Variants in COL14A1 observed in about 807,000 individuals in gnomAD.
The protein encoded by COL14A1 is collagen type XIV alpha 1 chain, also known as collagen alpha-1(XIV) chain.
A neutral mutation model predicts 230.3 loss-of-function variants in COL14A1; 136 were observed. The observed-to-expected ratio is 0.59, with a 90% CI of 0.51 to 0.68. The LOEUF (loss-of-function observed/expected upper bound fraction) is 0.68. COL14A1 is among the 30% of genes least tolerant of loss of function. The probability of loss-of-function intolerance (pLI) is 0.00; values close to 1 mark genes in which losing one functional copy is unlikely to be tolerated. For missense variants in COL14A1, 1,976 were observed against 2,215.8 expected (o/e 0.89, Z 2.17); for synonymous variants, 792 against 784.1 (o/e 1.01, Z -0.17).
intron 40 of COL14A1, among the ~76,000 whole-genome samples, chr8:120,326,021 A>C (rs1264906306): frequency 1.3e-5 from 2 of 152,202 alleles, no homozygotes; most frequent in African/African-American, 4.8e-5. Context: ...TTATTTTACA[A>C]AATTTTTCCT....
chr8:120,197,006 T>C (rs1261957249), intron 6 of COL14A1, 60 bp downstream of exon 6: 12 of 1,526,246 alleles, frequency 7.9e-6, no homozygotes, highest in Non-Finnish European at 1.1e-5. Context: ...CTGGGAAGTA[T>C]TTTAAGAAAT....
intron 34 of COL14A1, among the ~76,000 whole-genome samples, chr8:120,296,190 T>G (rs1337239451): frequency 6.6e-6 from 1 of 151,764 alleles, no homozygotes; most frequent in African/African-American, 2.4e-5. Context: ...AAAAAAGCAG[T>G]GAGCCATGCA....
intron 47 of COL14A1, chr8:120,370,830 C>T (rs1310192190): frequency 1.5e-6 from 2 of 1,353,296 alleles, no homozygotes; most frequent in Non-Finnish European, 1.9e-6. Flanking sequence ...GGACTTCTAA[C>T]ATGAGATTTT....
At chr8:120,303,884 T>A (rs138527965) in intron 36 of COL14A1, among the ~76,000 whole-genome samples, 162 of 152,268 alleles carry the variant, frequency 1.1e-3, no homozygotes, top group African/African-American at 3.7e-3. Flanking sequence ...TTTTTTTTGG[T>A]TGCTAGACTA....
intron 42 of COL14A1, among the ~76,000 whole-genome samples, chr8:120,334,186 A>G (rs535358974): frequency 2.3e-4 from 35 of 152,322 alleles, no homozygotes; most frequent in African/African-American, 8.4e-4. Context: ...TCATTTTAAT[A>G]AAATTATTTC....
At chr8:120,288,278 G>A (rs1480544428) in intron 33 of COL14A1, among the ~76,000 whole-genome samples, 1 of 152,116 alleles carries the variant, frequency 6.6e-6, no homozygotes, top group Non-Finnish European at 1.5e-5. Flanking sequence ...TTGGGCAATA[G>A]TTAATTCCTT....
Position 120,371,464 on chromosome 8 carries a change from A to G in COL14A1, c.*233A>G, listed in dbSNP as rs117125420. The G allele has an allele frequency of 1.5e-5, 6 of 395,384 alleles. No homozygotes were observed. Among genetic ancestry groups the G allele is most frequent in the Non-Finnish European group, 2.7e-5 (6 of 224,794 alleles). The allele number at this position is 395,384 out of a possible 1,614,324, so 24.5% of individuals were successfully genotyped here. A position where few individuals can be genotyped will look rare whatever the true frequency, so the allele number is the denominator to read the frequency against. On this transcript the variant is annotated 3_prime_UTR_variant, in exon 48 of 48. Coordinates refer to ENST00000297848, the MANE Select transcript of COL14A1 (RefSeq NM_021110.4). ...AGCAATGATTTCCCTTTGGTGTCTTAATGGCATGTCAGATAATTTGTTTTT... is the reference window on the plus strand; with the variant it reads ...AGCAATGATTTCCCTTTGGTGTCTTGATGGCATGTCAGATAATTTGTTTTT...
At chr8:120,346,034 T>C (rs1331476460) in intron 45 of COL14A1, among the ~76,000 whole-genome samples, 2 of 152,206 alleles carry the variant, frequency 1.3e-5, no homozygotes, top group Non-Finnish European at 2.9e-5. Flanking sequence ...CTGAGAAGAG[T>C]CATGAATTGT....
chr8:120,324,803 C>T (rs1327010597), intron 40 of COL14A1, among the ~76,000 whole-genome samples: 1 of 152,136 alleles, frequency 6.6e-6, no homozygotes, highest in Non-Finnish European at 1.5e-5. Flanking sequence ...GTCACTAGTT[C>T]TAAGCAGTAT....
chr8:120,201,326 T>C (rs1817240829), intron 8 of COL14A1, among the ~76,000 whole-genome samples: 1 of 152,150 alleles, frequency 6.6e-6, no homozygotes, highest in Non-Finnish European at 1.5e-5. Context: ...AGCTCAGTGT[T>C]GTGCAGGAGC....
At position 120,210,434 on chromosome 8, in the gene COL14A1, G is replaced by A. The variant is rs374616101; in HGVS notation, c.1467+533G>A. Among the ~76,000 whole-genome samples the A allele has an allele frequency of 9.9e-5, 15 of 152,272 alleles. No individual in the cohort carries two copies. The East Asian group carries it at 2.1e-3, about 22-fold the overall frequency. On this transcript the variant is annotated intron_variant, in intron 12 of 47. Transcript: ENST00000297848. Reference sequence around the variant, plus strand: ...TATTGCCAAATGGCTCTAGAGAAATGTTATATGTTTTGCTTTATGTGGTGC... The same window carrying A: ...TATTGCCAAATGGCTCTAGAGAAATATTATATGTTTTGCTTTATGTGGTGC...
intron 23 of COL14A1, among the ~76,000 whole-genome samples, chr8:120,257,958 T>C (rs1252196148): frequency 6.6e-6 from 1 of 152,202 alleles, no homozygotes; most frequent in African/African-American, 2.4e-5. Context: ...CTGGTCAACT[T>C]TCTTCTCTGG....
chr8:120,156,174 C>CT (rs67203803), intron 2 of COL14A1, among the ~76,000 whole-genome samples: 108,973 of 148,090 alleles, frequency 0.74, 40,158 homozygotes, highest in Admixed American at 0.76. Flanking sequence ...AGGGTGACTT[C>CT]TTTTTTTTTT....
chr8:120,290,570 A>C (rs1482770612), intron 34 of COL14A1, among the ~76,000 whole-genome samples: 1 of 152,242 alleles, frequency 6.6e-6, no homozygotes, highest in Non-Finnish European at 1.5e-5. Context: ...GATAATTATG[A>C]ATTACTATTG....
chr8:120,128,031 A>T (rs1194549237), intron 1 of COL14A1, among the ~76,000 whole-genome samples: 40 of 152,352 alleles, frequency 2.6e-4, no homozygotes, highest in Non-Finnish European at 1.9e-4. Flanking sequence ...AAGGAAAGTG[A>T]TAAAAATAAA....
chr8:120,167,858 T>C (rs368145432), intron 4 of COL14A1, among the ~76,000 whole-genome samples: 2 of 152,190 alleles, frequency 1.3e-5, no homozygotes. Context: ...CATTCCCTCA[T>C]GTATAAGCTA....
Position 120,212,505 on chromosome 8 carries a change from G to C in COL14A1, c.1525G>C (p.Glu509Gln). The change falls in exon 13 of 48, where the codon GAA becomes CAA. Residue 509 changes from glutamate (E) to glutamine (Q), a missense_variant. Physicochemically the swap from Glu to Gln is conservative, Grantham distance 29. Transcript: ENST00000297848. ...ATTGAGTGGGTTGTTGCCCAATACA[G>C]AATACACAGTCACAGTTTATGCCAT... is the stretch of plus-strand genomic sequence containing the variant. ...IELSGLLPNT[E>Q]YTVTVYAMFG... 6.2e-7 allele frequency: 1 copy of C among 1,613,644 alleles called. No individual in the cohort carries two copies. The highest frequency in any genetic ancestry group is 8.5e-7 in the Non-Finnish European group (1 of 1,179,694).
Position 120,219,251 on chromosome 8 carries a change from G to T in COL14A1, c.1737+2761G>T, listed in dbSNP as rs147555147. On this transcript the variant is annotated intron_variant, in intron 14 of 47. Coordinates refer to ENST00000297848, the MANE Select transcript of COL14A1 (RefSeq NM_021110.4). ...CCCACCTCAGCCTCCCGAGTAGCTG[G>T]GACTACACATGCCACCATGCCTAGC... 4.6e-3 allele frequency among the ~76,000 whole-genome samples: 704 copies of T among 152,064 alleles called. 8 individuals are homozygous for T. Among genetic ancestry groups the T allele is most frequent in the African/African-American group, 0.016 (668 of 41,476 alleles).
Position 120,345,464 on chromosome 8 carries a change from G to T in COL14A1, c.4978G>T (p.Gly1660Trp), listed in dbSNP as rs1297067808. ...TGTCCAAGGGCCTCCTGGGGAGCCTGGGAGGCCAGGCTCACCTGGAGCCCC... is the reference window on the plus strand; with the variant it reads ...TGTCCAAGGGCCTCCTGGGGAGCCTTGGAGGCCAGGCTCACCTGGAGCCCC... The part of the protein sequence containing the change: ...RTVQGPPGEP[G>W]RPGSPGAPGE... Residue 1660 changes from glycine (G) to tryptophan (W), a missense_variant, in exon 45 of 48, where the codon GGG (glycine) becomes TGG (tryptophan). Around this residue, in one of 3 missense-constraint regions of COL14A1, gnomAD observed 1,791 missense variants for 2,019.5 expected, o/e 0.89. Transcript: ENST00000297848. 1 of 1,603,398 alleles carries T rather than the reference G, an allele frequency of 6.2e-7. No homozygotes were observed. The highest frequency in any genetic ancestry group is 1.1e-5 in the South Asian group (1 of 89,426).
Sources: allele counts gnomAD v4.1 joint callset (sites outside exome capture counted in the v4.1 genomes callset), GRCh38; gene constraint gnomAD v4.1.1; regional missense constraint gnomAD v4.1.1; transcripts MANE v1.5; gene names NCBI Gene and HGNC (gene_info 2026-07-23, HGNC 2026-07-21).